The following YPEL2 variants were observed in gnomAD, a reference collection of about 807,000 sequenced individuals.
YPEL2 encodes the protein yippee like 2, also known as protein yippee-like 2.
In YPEL2, 2 loss-of-function variants were observed where a neutral mutation model predicts 19.1. The ratio of observed to expected loss-of-function variants is 0.10; its 90% CI spans 0.04 to 0.33. The LOEUF (loss-of-function observed/expected upper bound fraction) is 0.33, where lower values mean the gene tolerates loss of function less well. Ranked by LOEUF, YPEL2 falls within the 10% of genes least tolerant of loss-of-function variation. The pLI is 1.00. For synonymous variants in YPEL2, 52 were observed against 50.0 expected (o/e 1.04, Z -0.17); for missense variants, 66 against 140.7 (o/e 0.47, Z 2.68).
chr17:59,388,762 CA>C lies in YPEL2; in HGVS notation c.161+393del, dbSNP rs550685099. 7.3e-4 allele frequency: 161 copies of C among 221,398 alleles called. 1 individual carries two copies. In the Admixed American group the frequency reaches 7.7e-3, roughly 11 times the overall value. 13.7% of individuals were successfully genotyped at this position (221,398 alleles called of 1,614,324 possible). On this transcript the variant is annotated intron_variant, in intron 3 of 4. Coordinates refer to ENST00000312655, the MANE Select transcript of YPEL2 (RefSeq NM_001005404.4). ...AGGAGGAAGGAAGGCCCACTTCGGGCAGATGCACAGTTTCCAGGGCACTCAG... is the reference window on the plus strand; with the variant it reads ...AGGAGGAAGGAAGGCCCACTTCGGGCGATGCACAGTTTCCAGGGCACTCAG...
chr17:59,390,501 C>A (rs548271649), intron 4 of YPEL2, among the ~76,000 whole-genome samples: 42 of 152,336 alleles, frequency 2.8e-4, no homozygotes, highest in African/African-American at 8.9e-4. Flanking sequence ...GTTCCTAAAA[C>A]ACCTAGGTCC....
chr17:59,371,581 G>A (rs1011022477), intron 2 of YPEL2, among the ~76,000 whole-genome samples: 2 of 152,222 alleles, frequency 1.3e-5, no homozygotes, highest in African/African-American at 4.8e-5. Flanking sequence ...CCCTGGCTGT[G>A]CCAGACTCCC....
chr17:59,341,224 C>A (rs543027233), intron 1 of YPEL2, among the ~76,000 whole-genome samples: 98 of 151,780 alleles, frequency 6.5e-4, no homozygotes, highest in African/African-American at 2.3e-3. Context: ...AATCCCATCT[C>A]TACTAAAAAT....
At chr17:59,332,926 G>A (rs1223834719) in intron 1 of YPEL2, among the ~76,000 whole-genome samples, 1 of 152,200 alleles carries the variant, frequency 6.6e-6, no homozygotes, top group Non-Finnish European at 1.5e-5. Flanking sequence ...TAACGAGACA[G>A]CTGTCTTTTC....
intron 1 of YPEL2, among the ~76,000 whole-genome samples, chr17:59,349,722 A>AC (rs1409351326): frequency 6.6e-6 from 1 of 151,858 alleles, no homozygotes; most frequent in African/African-American, 2.4e-5. Flanking sequence ...GTGCAGTGGC[A>AC]CGATCTCGGC....
chr17:59,388,417 G>A, intron 3 of YPEL2, 47 bp downstream of exon 3: 1 of 1,592,190 alleles, frequency 6.3e-7, no homozygotes, highest in South Asian at 1.1e-5. Context: ...CAGATTCGAG[G>A]GATGGGAAAA....
At chr17:59,370,238 A>ATT (rs35317463) in intron 2 of YPEL2, among the ~76,000 whole-genome samples, 35 of 151,758 alleles carry the variant, frequency 2.3e-4, no homozygotes, top group Non-Finnish European at 2.8e-4. Context: ...AATTTTTTGT[A>ATT]TTTTTTAGTA....
intron 2 of YPEL2, among the ~76,000 whole-genome samples, chr17:59,378,714 G>A (rs111540884): frequency 1.4e-3 from 211 of 152,252 alleles, no homozygotes; most frequent in Admixed American, 3.5e-3. Flanking sequence ...TCCAAGCATC[G>A]TGAATGTTCC....
At chr17:59,333,286 A>G (rs763690372) in intron 1 of YPEL2, among the ~76,000 whole-genome samples, 2 of 152,232 alleles carry the variant, frequency 1.3e-5, no homozygotes. Context: ...CCCCAGCTCC[A>G]TGATAGGATC....
chr17:59,383,452 G>A (rs968285370), intron 2 of YPEL2, among the ~76,000 whole-genome samples: 1 of 149,720 alleles, frequency 6.7e-6, no homozygotes, highest in African/African-American at 2.4e-5. Flanking sequence ...CAAAAAATTA[G>A]CTGGGCGTGG....
chr17:59,349,361 T>TC (rs978432330), intron 1 of YPEL2, among the ~76,000 whole-genome samples: 7 of 115,308 alleles, frequency 6.1e-5, no homozygotes, highest in Non-Finnish European at 8.6e-5. Context: ...TTTTTTTCTT[T>TC]TTTTTTTTTT....
Position 59,392,286 on chromosome 17 carries a change from A to G in YPEL2, c.270+2818A>G, listed in dbSNP as rs560455656. ...TCAGGTAAAACAATTCATTCTTTTG[A>G]CAAAGGTTTATCAAAAGCCTTTGAC... is the stretch of plus-strand genomic sequence containing the variant. On this transcript the variant is annotated intron_variant, in intron 4 of 4. Coordinates refer to ENST00000312655, the MANE Select transcript of YPEL2 (RefSeq NM_001005404.4). Among the ~76,000 whole-genome samples, 196 of 152,222 alleles carry G rather than the reference A, an allele frequency of 1.3e-3. 1 individual carries two copies. The highest frequency in any genetic ancestry group is 4.2e-3 in the African/African-American group (173 of 41,510).
intron 1 of YPEL2, among the ~76,000 whole-genome samples, chr17:59,343,468 A>G (rs73323191): frequency 0.044 from 6,712 of 152,172 alleles, 520 homozygotes; most frequent in African/African-American, 0.15. Context: ...ATTCCAGAGA[A>G]AAATTAAGTT....
chr17:59,356,809 A>T (rs1242912482), intron 2 of YPEL2, among the ~76,000 whole-genome samples: 1 of 152,206 alleles, frequency 6.6e-6, no homozygotes, highest in African/African-American at 2.4e-5. Context: ...TTTCTTACTT[A>T]ATCTGACATG....
At chr17:59,367,633 G>A (rs1194050499) in intron 2 of YPEL2, among the ~76,000 whole-genome samples, 1 of 152,208 alleles carries the variant, frequency 6.6e-6, no homozygotes, top group African/African-American at 2.4e-5. Flanking sequence ...GGAGAAATAG[G>A]TTTCTGTGAT....
At chr17:59,393,914 T>C (rs567142975) in intron 4 of YPEL2, among the ~76,000 whole-genome samples, 1 of 152,370 alleles carries the variant, frequency 6.6e-6, no homozygotes, top group African/African-American at 2.4e-5. Flanking sequence ...TGTCTACTTC[T>C]TTCTACACAG....
At chr17:59,386,884 C>A (rs1231926339) in intron 2 of YPEL2, among the ~76,000 whole-genome samples, 3 of 152,118 alleles carry the variant, frequency 2.0e-5, no homozygotes, top group African/African-American at 7.2e-5. Flanking sequence ...GCAGATGCAC[C>A]TGGGAGTGAA....
chr17:59,343,572 G>A (rs543038898), intron 1 of YPEL2, among the ~76,000 whole-genome samples: 1 of 151,532 alleles, frequency 6.6e-6, no homozygotes, highest in South Asian at 2.1e-4. Context: ...ATCCCTTAAC[G>A]AATAAGGTAG....
chr17:59,397,249 C>A lies in YPEL2; in HGVS notation c.*59C>A. ...GAACGCCATTCAACCGAACATTCTT[C>A]CCAAGCGTGAGAGAGTGACTGACAC... On this transcript the variant is annotated 3_prime_UTR_variant, in exon 5 of 5. Coordinates refer to ENST00000312655, the MANE Select transcript of YPEL2 (RefSeq NM_001005404.4). The A allele has an allele frequency of 7.2e-7, 1 of 1,381,468 alleles. No homozygotes were observed. The highest frequency in any genetic ancestry group is 1.4e-5 in the South Asian group (1 of 71,712). The allele number at this position is 1,381,468 out of a possible 1,614,324, so 85.6% of individuals were successfully genotyped here. A position where few individuals can be genotyped will look rare whatever the true frequency, so the allele number is the denominator to read the frequency against.
Sources: gnomAD v4.1 joint callset for allele counts (sites outside exome capture counted in the v4.1 genomes callset) on GRCh38, gnomAD v4.1.1 for gene constraint, MANE v1.5 for transcripts, NCBI Gene and HGNC (gene_info 2026-07-23, HGNC 2026-07-21) for gene names.